The following LRRC7 variants were observed in gnomAD, a reference collection of about 807,000 sequenced individuals.
The protein encoded by LRRC7 is leucine rich repeat containing 7, also known as leucine-rich repeat-containing protein 7.
A neutral mutation model predicts 175.7 loss-of-function variants in LRRC7; 23 were observed. That is an observed-to-expected ratio of 0.13 (90% confidence interval 0.09 to 0.19). The LOEUF (loss-of-function observed/expected upper bound fraction) is 0.19, where lower values mean the gene tolerates loss of function less well. Ranked by LOEUF, LRRC7 falls within the 10% of genes least tolerant of loss-of-function variation. The pLI is 1.00. For missense variants in LRRC7, 1,354 were observed against 1,904.7 expected, an observed-to-expected ratio of 0.71 and a Z score of 5.38; for synonymous variants, 685 against 680.9, an observed-to-expected ratio of 1.01 and a Z score of -0.09.
intron 8 of LRRC7, among the ~76,000 whole-genome samples, chr1:69,954,336 C>T (rs1159272613): frequency 6.6e-6 from 1 of 151,914 alleles, no homozygotes; most frequent in Admixed American, 6.6e-5. Context: ...AGGCTGCCTC[C>T]CCACTGTATA....
chr1:69,714,920 TATTG>T (rs1665175087), intron 2 of LRRC7, among the ~76,000 whole-genome samples: 1 of 152,224 alleles, frequency 6.6e-6, no homozygotes, highest in Admixed American at 6.5e-5. Context: ...TGCTAAGCTT[TATTG>T]ATTCTAAGAC....
intron 7 of LRRC7, among the ~76,000 whole-genome samples, chr1:69,925,355 G>A (rs973895487): frequency 2.4e-4 from 37 of 152,108 alleles, no homozygotes; most frequent in Non-Finnish European, 7.4e-5. Flanking sequence ...CTATTGATTG[G>A]AATAGTTTCA....
chr1:69,910,340 A>C (rs564527687), intron 7 of LRRC7, among the ~76,000 whole-genome samples: 1 of 152,092 alleles, frequency 6.6e-6, no homozygotes, highest in East Asian at 1.9e-4. Flanking sequence ...GTCTTTGATG[A>C]TGGTGACGTA....
At chr1:69,819,562 T>G (rs1159848616) in intron 4 of LRRC7, among the ~76,000 whole-genome samples, 2 of 129,728 alleles carry the variant, frequency 1.5e-5, no homozygotes, top group African/African-American at 3.7e-5. Context: ...ATGCTCTCTC[T>G]CTCTCTCTCT....
At chr1:69,907,638 T>G (rs946454382) in intron 7 of LRRC7, among the ~76,000 whole-genome samples, 1 of 152,208 alleles carries the variant, frequency 6.6e-6, no homozygotes, top group Non-Finnish European at 1.5e-5. Context: ...ATAAGCTTTT[T>G]GATGTGCTGC....
chr1:70,093,988 T>C (rs1218287929), intron 25 of LRRC7, among the ~76,000 whole-genome samples: 1 of 152,190 alleles, frequency 6.6e-6, no homozygotes, highest in Non-Finnish European at 1.5e-5. Flanking sequence ...AATGATGCAT[T>C]CACAAAACTC....
At chr1:69,701,324 G>T (rs1034231031) in intron 2 of LRRC7, among the ~76,000 whole-genome samples, 30 of 151,966 alleles carry the variant, frequency 2.0e-4, no homozygotes, top group African/African-American at 7.3e-4. Context: ...ATAGAATATT[G>T]TGCTGTTCAT....
chr1:69,972,368 A>G (rs964200288), intron 8 of LRRC7, among the ~76,000 whole-genome samples: 1 of 152,256 alleles, frequency 6.6e-6, no homozygotes, highest in Non-Finnish European at 1.5e-5. Flanking sequence ...CAATCTATAC[A>G]TCTGAAAAAG....
At chr1:69,971,890 A>C (rs909356254) in intron 8 of LRRC7, among the ~76,000 whole-genome samples, 1 of 152,234 alleles carries the variant, frequency 6.6e-6, no homozygotes, top group Non-Finnish European at 1.5e-5. Flanking sequence ...GGCCGTAGTC[A>C]CCAAAACAGA....
chr1:70,089,202 C>T (rs1663838760), intron 24 of LRRC7, among the ~76,000 whole-genome samples: 1 of 152,154 alleles, frequency 6.6e-6, no homozygotes, highest in African/African-American at 2.4e-5. Flanking sequence ...TGGCTACTTT[C>T]TCAAACTAAA....
chr1:69,659,384 A>G (rs1657108489), intron 1 of LRRC7, among the ~76,000 whole-genome samples: 2 of 152,018 alleles, frequency 1.3e-5, no homozygotes, highest in Admixed American at 1.3e-4. Flanking sequence ...AGATGACAGC[A>G]TTTCAGAATT....
At chr1:70,091,286 G>A (rs990163252) in intron 25 of LRRC7, among the ~76,000 whole-genome samples, 2 of 152,022 alleles carry the variant, frequency 1.3e-5, no homozygotes, top group African/African-American at 4.8e-5. Context: ...TCTTAAAGAA[G>A]CATAAAGGTT....
chr1:69,690,047 C>G (rs1378108761), intron 2 of LRRC7, among the ~76,000 whole-genome samples: 2 of 152,112 alleles, frequency 1.3e-5, no homozygotes, highest in East Asian at 3.8e-4. Flanking sequence ...TTTTTTCATT[C>G]AAACTTCAGG....
At chr1:70,102,299 G>A (rs1367489156) in intron 25 of LRRC7, among the ~76,000 whole-genome samples, 1 of 152,166 alleles carries the variant, frequency 6.6e-6, no homozygotes, top group Non-Finnish European at 1.5e-5. Flanking sequence ...TGAGGCAGGA[G>A]GAACTTTCCA....
intron 1 of LRRC7, among the ~76,000 whole-genome samples, chr1:69,639,641 G>A (rs553917625): frequency 1.3e-5 from 2 of 151,844 alleles, no homozygotes; most frequent in Admixed American, 1.3e-4. Flanking sequence ...TAATGCTTTA[G>A]GAGTTAGATC....
chr1:70,141,020 A>G lies in LRRC7; in HGVS notation c.*19133A>G, dbSNP rs1190353427. 6.6e-6 allele frequency among the ~76,000 whole-genome samples: 1 copy of G among 152,108 alleles called. No homozygotes were observed. The highest frequency in any genetic ancestry group is 1.5e-5 in the Non-Finnish European group (1 of 67,988). The stretch of plus-strand genomic sequence containing the variant: ...GAATTGAGCCTTAAATCAGTGACTA[A>G]TAAGGCAATGGAACACTCAAGCAGA... On this transcript the variant is annotated 3_prime_UTR_variant, in exon 27 of 27. Coordinates refer to ENST00000651989, the MANE Select transcript of LRRC7 (RefSeq NM_001370785.2).
chr1:69,726,448 T>C (rs1360551286), intron 2 of LRRC7, among the ~76,000 whole-genome samples: 1 of 152,196 alleles, frequency 6.6e-6, no homozygotes, highest in Non-Finnish European at 1.5e-5. Context: ...TCATTAAATA[T>C]GGCACCACTG....
At chr1:69,770,547 CT>C (rs1375295688) in intron 3 of LRRC7, among the ~76,000 whole-genome samples, 1 of 152,052 alleles carries the variant, frequency 6.6e-6, no homozygotes, top group African/African-American at 2.4e-5. Context: ...AAAAAGGAAT[CT>C]TTTGAAATGA....
At position 69,980,396 on chromosome 1, in the gene LRRC7, A is replaced by G. The variant is rs746621683; in HGVS notation, c.729A>G (p.Gln243=). 15 of 1,612,544 alleles carry G rather than the reference A, an allele frequency of 9.3e-6. No individual in the cohort carries two copies. The South Asian group carries it at 1.5e-4, about 17-fold the overall frequency. ...EFGELPEVLD[Q]IQNLRELWMD... Reference sequence around the variant, plus strand: ...TCTCCCAGCCTGAAGTTCTGGATCAAATACAAAATTTGAGGGAGTTATGGA... The same window carrying G: ...TCTCCCAGCCTGAAGTTCTGGATCAGATACAAAATTTGAGGGAGTTATGGA... The change falls in exon 9 of 27, where the codon CAA becomes CAG. Residue 243 remains glutamine (Q), a synonymous_variant. Transcript: ENST00000651989.
Sources: gnomAD v4.1 joint callset for allele counts (sites outside exome capture counted in the v4.1 genomes callset) on GRCh38, gnomAD v4.1.1 for gene constraint, MANE v1.5 for transcripts, NCBI Gene and HGNC (gene_info 2026-07-23, HGNC 2026-07-21) for gene names.